Variants in ZC3H13 observed in about 807,000 individuals in gnomAD.
ZC3H13 encodes the protein zinc finger CCCH domain-containing protein 13.
In ZC3H13, 64 loss-of-function variants were observed where a neutral mutation model predicts 204.1. The ratio of observed to expected loss-of-function variants is 0.31; its 90% CI spans 0.26 to 0.39. ZC3H13 has a LOEUF of 0.39. Ranked by LOEUF, ZC3H13 falls within the 10% of genes least tolerant of loss-of-function variation. The pLI is 1.00. For missense variants in ZC3H13, 1,833 were observed against 2,082.7 expected (o/e 0.88, Z 2.33); for synonymous variants, 667 against 693.7 (o/e 0.96, Z 0.60).
At chr13:45,980,222 TAAAA>T (rs920437437) in intron 10 of ZC3H13, among the ~76,000 whole-genome samples, 18 of 151,818 alleles carry the variant, frequency 1.2e-4, no homozygotes, top group African/African-American at 4.4e-4. Flanking sequence ...CCTACCTATA[TAAAA>T]GTCATATGAT....
chr13:46,027,153 T>C (rs1249481101), intron 4 of ZC3H13, among the ~76,000 whole-genome samples: 1 of 152,202 alleles, frequency 6.6e-6, no homozygotes, highest in Non-Finnish European at 1.5e-5. Flanking sequence ...TTACCCAGGC[T>C]GCAGCACAGT....
intron 8 of ZC3H13, among the ~76,000 whole-genome samples, chr13:45,999,000 G>A (rs1008024877): frequency 1.3e-5 from 2 of 152,170 alleles, no homozygotes; most frequent in African/African-American, 4.8e-5. Context: ...CAATGTTTTG[G>A]GAGGCCAAGG....
intron 4 of ZC3H13, among the ~76,000 whole-genome samples, chr13:46,022,977 C>A (rs1189494869): frequency 6.6e-6 from 1 of 152,070 alleles, no homozygotes; most frequent in Non-Finnish European, 1.5e-5. Context: ...ATATTACTTT[C>A]ATTTCCACTC....
intron 4 of ZC3H13, among the ~76,000 whole-genome samples, chr13:46,040,307 C>G (rs1462959368): frequency 6.6e-6 from 1 of 152,116 alleles, no homozygotes; most frequent in African/African-American, 2.4e-5. Flanking sequence ...TTTAAGTGAT[C>G]AAGGAAGTTG....
rs569602760 is a variant in ZC3H13, at chr13:45,967,383, AAGAATGG to A, written c.4321+114_4321+120del. The A allele has an allele frequency of 8.9e-4, 1,002 of 1,121,510 alleles. 11 individuals are homozygous for A. The Admixed American group carries it at 0.022, about 24-fold the overall frequency. The allele number at this position is 1,121,510 out of a possible 1,614,324, so 69.5% of individuals were successfully genotyped here. ...CTTCTGAAATCTACTTCCTCTATAG[AAGAATGG>A]AGAATGGAGTCAATTTGCCCATTAG... On this transcript the variant is annotated intron_variant, in intron 15 of 18. Transcript: ENST00000679008.
At chr13:46,007,152 G>A (rs7985754) in intron 7 of ZC3H13, among the ~76,000 whole-genome samples, 113,932 of 151,982 alleles carry the variant, frequency 0.75, 43,200 homozygotes, top group African/African-American at 0.85. Context: ...GAGACTAGCA[G>A]GGGGTTTACC....
At chr13:45,965,717 T>C (rs1449978695) in intron 15 of ZC3H13, among the ~76,000 whole-genome samples, 1 of 152,192 alleles carries the variant, frequency 6.6e-6, no homozygotes, top group African/African-American at 2.4e-5. Flanking sequence ...AAGCTACTAC[T>C]AACATACTAA....
At position 45,998,959 on chromosome 13, in the gene ZC3H13, G is replaced by A. The variant is rs147581303; in HGVS notation, c.944+4180C>T. On this transcript the variant is annotated intron_variant, in intron 8 of 18. Transcript: ENST00000679008. ...CAGTAGAATTTTCAAAACTGCAGTC[G>A]GCTGGGCATGGTGGCTCAAGCCTAT... 2.9e-3 allele frequency among the ~76,000 whole-genome samples: 447 copies of A among 152,244 alleles called. 2 individuals carry two copies. The highest frequency in any genetic ancestry group is 0.01 in the African/African-American group (421 of 41,552).
At chr13:46,047,392 T>C (rs1018751396) in intron 1 of ZC3H13, among the ~76,000 whole-genome samples, 2 of 152,196 alleles carry the variant, frequency 1.3e-5, no homozygotes, top group Admixed American at 6.5e-5. Context: ...GTGGAGAGCA[T>C]CACATAAACA....
chr13:45,998,554 C>A (rs185155245), intron 8 of ZC3H13, among the ~76,000 whole-genome samples: 2 of 151,608 alleles, frequency 1.3e-5, no homozygotes, highest in East Asian at 3.9e-4. Context: ...GAGGCTGAGG[C>A]AGGAGAATGG....
intron 12 of ZC3H13, 148 bp downstream of exon 12, chr13:45,975,135 C>T (rs953665640): frequency 6.1e-6 from 8 of 1,300,860 alleles, no homozygotes; most frequent in South Asian, 3.2e-5. Context: ...CTTTAAACAC[C>T]GATACATATA....
At chr13:46,042,987 G>A (rs1284375093) in intron 3 of ZC3H13, among the ~76,000 whole-genome samples, 2 of 151,856 alleles carry the variant, frequency 1.3e-5, no homozygotes, top group South Asian at 2.1e-4. Context: ...ACAGTGGTAA[G>A]GCTTTATTAT....
At chr13:46,051,524 CA>C (rs2044417328) in intron 1 of ZC3H13, among the ~76,000 whole-genome samples, 2 of 152,156 alleles carry the variant, frequency 1.3e-5, no homozygotes, top group South Asian at 4.1e-4. Flanking sequence ...CCAGTAATTT[CA>C]AATGTTACAG....
intron 16 of ZC3H13, 135 bp downstream of exon 16, chr13:45,965,145 C>T: frequency 8.9e-7 from 1 of 1,126,418 alleles, no homozygotes. Flanking sequence ...TTTTATTGGC[C>T]TTTCAACCTT....
intron 8 of ZC3H13, among the ~76,000 whole-genome samples, chr13:45,995,104 T>C (rs1862573109): frequency 6.6e-6 from 1 of 152,098 alleles, no homozygotes; most frequent in Non-Finnish European, 1.5e-5. Context: ...ATTTTATTAA[T>C]GTCATTATAA....
At chr13:45,998,457 A>C (rs1023886639) in intron 8 of ZC3H13, among the ~76,000 whole-genome samples, 9 of 151,992 alleles carry the variant, frequency 5.9e-5, no homozygotes, top group African/African-American at 2.4e-5. Flanking sequence ...CATCCTGACT[A>C]ACACAGTGAA....
At chr13:45,976,301 C>CG (rs1228044568) in intron 11 of ZC3H13, 2 of 982,344 alleles carry the variant, frequency 2.0e-6, no homozygotes, top group African/African-American at 3.5e-5. Context: ...GTAAGTCACA[C>CG]CTCTAATTTC....
chr13:45,968,646 C>A, intron 14 of ZC3H13, 102 bp downstream of exon 14: 1 of 1,426,908 alleles, frequency 7.0e-7, no homozygotes, highest in South Asian at 1.6e-5. Flanking sequence ...AAATTTAAGG[C>A]AGCATGTAAA....
chr13:45,974,244 G>A (rs1486093493), intron 12 of ZC3H13, among the ~76,000 whole-genome samples: 1 of 152,154 alleles, frequency 6.6e-6, no homozygotes, highest in Non-Finnish European at 1.5e-5. Context: ...CATGAACACT[G>A]TGATCAGCTT....
Sources: gnomAD v4.1 joint callset for allele counts (sites outside exome capture counted in the v4.1 genomes callset) on GRCh38, gnomAD v4.1.1 for gene constraint, MANE v1.5 for transcripts, NCBI Gene and HGNC (gene_info 2026-07-23, HGNC 2026-07-21) for gene names.